The following ABHD12 variants were observed in gnomAD, a reference collection of about 807,000 sequenced individuals.
ABHD12 encodes the protein abhydrolase domain containing 12, lysophospholipase.
A neutral mutation model predicts 58.3 loss-of-function variants in ABHD12; 43 were observed. That is an observed-to-expected ratio of 0.74 (90% confidence interval 0.58 to 0.95). The LOEUF is 0.95. Among genes scored for constraint, ABHD12 ranks in the 40% least tolerant of loss-of-function variants. The pLI is 0.00. For synonymous variants in ABHD12, 219 were observed against 211.2 expected (o/e 1.04, Z -0.32); for missense variants, 539 against 537.2 (o/e 1.00, Z -0.03).
At chr20:25,356,622 G>T (rs971016337) in intron 1 of ABHD12, among the ~76,000 whole-genome samples, 6 of 152,190 alleles carry the variant, frequency 3.9e-5, no homozygotes, top group Non-Finnish European at 7.4e-5. Context: ...TTCCTTTGAC[G>T]GGGGAGGAAG....
downstream of ABHD12, chr20:25,296,595 C>T (rs41282340): frequency 3.5e-3 from 5,400 of 1,529,628 alleles, 23 homozygotes; most frequent in African/African-American, 0.019. Context: ...TTTCCCCAAA[C>T]ACTTTGCCAG....
intron 1 of ABHD12, among the ~76,000 whole-genome samples, chr20:25,388,320 T>C (rs2090121746): frequency 6.6e-6 from 1 of 152,372 alleles, no homozygotes; most frequent in African/African-American, 2.4e-5. Flanking sequence ...AAGTATTTTC[T>C]GCTACCTACT....
rs139510123 is a variant in ABHD12 at position 25,339,155 on chromosome 20, C to T, written c.316+72G>A. 362 of 1,595,598 alleles carry T rather than the reference C, an allele frequency of 2.3e-4. 1 individual carries two copies. The East Asian group carries it at 7.3e-3, about 32-fold the overall frequency. Reference sequence around the variant, plus strand: ...TCTCCATTAAAGTAAAAAGACTACCCCTAAAATCAGACATCACCATGAAAA... The same window carrying T: ...TCTCCATTAAAGTAAAAAGACTACCTCTAAAATCAGACATCACCATGAAAA... On this transcript the variant is annotated intron_variant, in intron 2 of 12. Coordinates refer to ENST00000339157, the MANE Select transcript of ABHD12 (RefSeq NM_001042472.3).
chr20:25,374,595 GTGAT>G lies in ABHD12; in HGVS notation c.191+15914_191+15917del, dbSNP rs574292147. Reference sequence around the variant, plus strand: ...TGCAACCTCCGCCTCCCAGGTTCAAGTGATTCTCCTGCCTCAGCCTCCCGAGTAG... The same window carrying G: ...TGCAACCTCCGCCTCCCAGGTTCAAGTCTCCTGCCTCAGCCTCCCGAGTAG... On this transcript the variant is annotated intron_variant, in intron 1 of 12. Coordinates refer to ENST00000339157, the MANE Select transcript of ABHD12 (RefSeq NM_001042472.3). Among the ~76,000 whole-genome samples, 243 of 152,332 alleles carry G rather than the reference GTGAT, an allele frequency of 1.6e-3. 3 individuals are homozygous for G. Among genetic ancestry groups the G allele is most frequent in the African/African-American group, 5.5e-3 (229 of 41,572 alleles).
chr20:25,386,455 G>T (rs192136864), intron 1 of ABHD12, among the ~76,000 whole-genome samples: 1,699 of 151,626 alleles, frequency 0.011, 31 homozygotes, highest in African/African-American at 0.036. Context: ...TAGAGACGGG[G>T]TTTCACCCGT....
intron 1 of ABHD12, 38 bp downstream of exon 1, chr20:25,390,475 C>CGGGGGGGGG: frequency 1.6e-5 from 17 of 1,089,464 alleles, no homozygotes; most frequent in South Asian, 3.7e-5. Flanking sequence ...AGTGAGGGAC[C>CGGGGGGGGG]GGCCCCCCCC....
downstream of ABHD12, chr20:25,295,514 G>A (rs113167118): frequency 1.7e-5 from 24 of 1,430,174 alleles, no homozygotes; most frequent in African/African-American, 1.7e-4. Flanking sequence ...GGTGGATGGT[G>A]CCTGGCCTCC....
intron 1 of ABHD12, among the ~76,000 whole-genome samples, chr20:25,378,356 T>C (rs2089984037): frequency 6.6e-6 from 1 of 152,082 alleles, no homozygotes; most frequent in South Asian, 2.1e-4. Flanking sequence ...GCACAACATC[T>C]GGCAAACAGC....
chr20:25,326,457 C>A (rs1401254781), intron 2 of ABHD12, among the ~76,000 whole-genome samples: 1 of 152,094 alleles, frequency 6.6e-6, no homozygotes, highest in African/African-American at 2.4e-5. Flanking sequence ...TATTTTAGGA[C>A]CTCAAGAGGA....
intron 4 of ABHD12, among the ~76,000 whole-genome samples, chr20:25,318,824 AAAG>A (rs985819496): frequency 2.6e-5 from 4 of 152,334 alleles, no homozygotes; most frequent in South Asian, 2.1e-4. Flanking sequence ...TGTCCCAGAC[AAAG>A]AAGAAAGGAA....
In ABHD12 at chr20:25,300,813, G is replaced by C. The variant is rs1334243262; in HGVS notation, c.*32C>G. The C allele has an allele frequency of 6.2e-7, 1 of 1,614,052 alleles. No homozygotes were observed. The highest frequency in any genetic ancestry group is 8.5e-7 in the Non-Finnish European group (1 of 1,179,984). On this transcript the variant is annotated 3_prime_UTR_variant, in exon 13 of 13. Coordinates refer to ENST00000339157, the MANE Select transcript of ABHD12 (RefSeq NM_001042472.3). The stretch of plus-strand genomic sequence containing the variant: ...ACTGGAGGAAAACGGGAGGAGGGCA[G>C]AGGTCTTCATGCTTCCTTCCCACGG...
chr20:25,312,915 CAT>C (rs2088885905), intron 6 of ABHD12, among the ~76,000 whole-genome samples: 1 of 151,306 alleles, frequency 6.6e-6, no homozygotes, highest in African/African-American at 2.4e-5. Context: ...GCAGCCGCCC[CAT>C]CTGGGAAGTG....
intron 5 of ABHD12, among the ~76,000 whole-genome samples, chr20:25,316,161 C>CT (rs749358205): frequency 2.7e-5 from 4 of 150,744 alleles, no homozygotes; most frequent in South Asian, 2.1e-4. Flanking sequence ...TTCTCTTTTC[C>CT]TTTTTTTTTG....
intron 12 of ABHD12, chr20:25,295,158 A>G: frequency 1.1e-6 from 1 of 948,946 alleles, no homozygotes; most frequent in Non-Finnish European, 1.7e-6. Flanking sequence ...CACATCAGGA[A>G]CTGCAAGTCA....
chr20:25,305,768 TACTTA>T (rs1348895135), intron 10 of ABHD12, among the ~76,000 whole-genome samples: 3 of 152,200 alleles, frequency 2.0e-5, no homozygotes, highest in Admixed American at 2.0e-4. Context: ...TTAACTAGAA[TACTTA>T]ACTTTTGGTT....
chr20:25,330,201 C>G (rs1274231242), intron 2 of ABHD12, among the ~76,000 whole-genome samples: 5 of 152,252 alleles, frequency 3.3e-5, no homozygotes, highest in African/African-American at 4.8e-5. Context: ...AAAGTGGTGA[C>G]AGACGGCACC....
At chr20:25,320,669 C>T (rs2089049534) in intron 3 of ABHD12, among the ~76,000 whole-genome samples, 1 of 152,252 alleles carries the variant, frequency 6.6e-6, no homozygotes, top group Non-Finnish European at 1.5e-5. Flanking sequence ...GCATTTTCCT[C>T]ATACGTGCCC....
At chr20:25,306,482 G>A (rs915226716) in intron 10 of ABHD12, among the ~76,000 whole-genome samples, 3 of 152,116 alleles carry the variant, frequency 2.0e-5, no homozygotes, top group Non-Finnish European at 4.4e-5. Context: ...AGGCTCAGGT[G>A]ATCCTCCTAA....
At chr20:25,349,442 G>A (rs1190477181) in intron 1 of ABHD12, among the ~76,000 whole-genome samples, 1 of 152,180 alleles carries the variant, frequency 6.6e-6, no homozygotes, top group East Asian at 1.9e-4. Context: ...GTAGACCAAT[G>A]TTCATAGCAG....
Sources: allele counts gnomAD v4.1 joint callset (sites outside exome capture counted in the v4.1 genomes callset), GRCh38; gene constraint gnomAD v4.1.1; transcripts MANE v1.5; gene names NCBI Gene and HGNC (gene_info 2026-07-23, HGNC 2026-07-21).